The following PARP4 variants were observed in gnomAD, a reference collection of about 807,000 sequenced individuals.
PARP4 encodes the protein poly(ADP-ribose) polymerase family member 4.
PARP4 carries 120 observed loss-of-function variants against 187.7 expected under a neutral mutation model. The ratio of observed to expected loss-of-function variants is 0.64; its 90% confidence interval spans 0.55 to 0.74. PARP4 has a LOEUF of 0.74. PARP4 is among the 30% of genes least tolerant of loss of function. The probability of loss-of-function intolerance (pLI) is 0.00; values close to 1 mark genes in which losing one functional copy is unlikely to be tolerated. For missense variants in PARP4, 1,836 were observed against 2,070.5 expected, an observed-to-expected ratio of 0.89 and a Z score of 2.20; for synonymous variants, 654 against 740.9, an observed-to-expected ratio of 0.88 and a Z score of 1.90.
At chr13:24,483,542 C>T (rs1873393111) in intron 12 of PARP4, among the ~76,000 whole-genome samples, 1 of 151,136 alleles carries the variant, frequency 6.6e-6, no homozygotes, top group Non-Finnish European at 1.5e-5. Flanking sequence ...TGTTGTGTTG[C>T]CTAGGCTAAT....
At chr13:24,445,499 A>C (rs1871165761) in intron 27 of PARP4, among the ~76,000 whole-genome samples, 2 of 152,066 alleles carry the variant, frequency 1.3e-5, no homozygotes, top group African/African-American at 4.8e-5. Flanking sequence ...CTGCATTAAA[A>C]ACCCCACCTA....
chr13:24,494,873 CTTTTTCTTTTT>C, intron 6 of PARP4, 151 bp from the exon 7 acceptor site: 1 of 535,418 alleles, frequency 1.9e-6, no homozygotes, highest in Non-Finnish European at 3.1e-6. Flanking sequence ...TTTTTCTTTT[CTTTTTCTTTTT>C]TTTTTGAGAC....
intron 12 of PARP4, 33 bp downstream of exon 12, chr13:24,484,620 A>G (rs1434443374): frequency 7.3e-7 from 1 of 1,374,738 alleles, no homozygotes; most frequent in South Asian, 1.2e-5. Flanking sequence ...GCAAGTATTC[A>G]GTAACGATTC....
chr13:24,449,886 T>A, intron 24 of PARP4, 69 bp from the exon 25 acceptor site: 2 of 940,132 alleles, frequency 2.1e-6, no homozygotes, highest in Non-Finnish European at 1.7e-6. Context: ...GTTAACAGTG[T>A]TGAGAAAGCT....
chr13:24,490,796 A>C lies in PARP4; in HGVS notation c.1086T>G (p.Thr362=), dbSNP rs1367642863. The part of the protein sequence containing the change: ...LIRDMVNVCE[T]NLSKPNPPSL... ...ATGGTGGGTTGGGTTTGGACAAATT[A>C]GTTTCACAGACATTAACCATGTCTC... is the stretch of plus-strand genomic sequence containing the variant. Residue 362 remains threonine, a synonymous_variant, in exon 10 of 34, where the codon ACT becomes ACG. Coordinates refer to ENST00000381989, the MANE Select transcript of PARP4 (RefSeq NM_006437.4). The C allele has an allele frequency of 1.2e-6, 2 of 1,614,126 alleles. No homozygotes were observed. The highest frequency in any genetic ancestry group is 1.1e-5 in the South Asian group (1 of 91,068).
intron 1 of PARP4, among the ~76,000 whole-genome samples, chr13:24,507,623 C>T (rs905200207): frequency 1.3e-5 from 2 of 152,232 alleles, no homozygotes; most frequent in African/African-American, 4.8e-5. Context: ...CCACCCTGGC[C>T]CATGCCCTCG....
In PARP4 at chr13:24,421,045, A is replaced by G. The variant is rs569759137; in HGVS notation, c.*74T>C. 4.2e-6 allele frequency: 6 copies of G among 1,445,352 alleles called. No individual in the cohort carries two copies. The highest frequency in any genetic ancestry group is 1.4e-5 in the South Asian group (1 of 70,288). The allele number at this position is 1,445,352 out of a possible 1,614,324, so 89.5% of individuals were successfully genotyped here. A position where few individuals can be genotyped will look rare whatever the true frequency, so the allele number is the denominator to read the frequency against. On this transcript the variant is annotated 3_prime_UTR_variant, in exon 34 of 34. Transcript: ENST00000381989. Reference sequence around the variant, plus strand: ...AATGAAACCTTAATGAAGTTTCATTATAAGTATCTATTATCATTTGATTAT... The same window carrying G: ...AATGAAACCTTAATGAAGTTTCATTGTAAGTATCTATTATCATTTGATTAT...
At chr13:24,446,786 C>T in intron 26 of PARP4, 25 bp from the exon 27 acceptor site, 1 of 1,439,732 alleles carries the variant, frequency 6.9e-7, no homozygotes, top group Non-Finnish European at 9.8e-7. Context: ...AAAATAAATT[C>T]CTCATTAGCC....
chr13:24,449,701 A>C lies in PARP4; in HGVS notation c.3114+17T>G. The C allele has an allele frequency of 8.0e-7, 1 of 1,252,458 alleles. No homozygotes were observed. The highest frequency in any genetic ancestry group is 1.2e-6 in the Non-Finnish European group (1 of 856,422). 77.6% of individuals were successfully genotyped at this position (1,252,458 alleles called of 1,614,324 possible). On this transcript the variant is annotated intron_variant, in intron 25 of 33. Coordinates refer to ENST00000381989, the MANE Select transcript of PARP4 (RefSeq NM_006437.4). The stretch of plus-strand genomic sequence containing the variant: ...TTTCCAAACATAAATATAAAACCAG[A>C]TGTTTAAAAAACATACCTGTTTTCT...
intron 6 of PARP4, among the ~76,000 whole-genome samples, chr13:24,496,482 G>C (rs1404050235): frequency 2.0e-5 from 3 of 152,164 alleles, no homozygotes; most frequent in Admixed American, 1.3e-4. Context: ...GCTTGTCAGA[G>C]AGCAGTGACT....
intron 24 of PARP4, 91 bp from the exon 25 acceptor site, chr13:24,449,908 A>G: frequency 1.4e-6 from 1 of 706,350 alleles, no homozygotes; most frequent in Non-Finnish European, 2.5e-6. Context: ...ACAACTCAAT[A>G]GGAGAGACAT....
At chr13:24,475,421 T>G in intron 15 of PARP4, 51 bp downstream of exon 15, 2 of 1,509,556 alleles carry the variant, frequency 1.3e-6, no homozygotes, top group African/African-American at 1.4e-5. Context: ...AATTCTCATG[T>G]ATGGTTTACA....
chr13:24,500,052 G>T (rs201063537), intron 4 of PARP4, among the ~76,000 whole-genome samples: 1 of 145,478 alleles, frequency 6.9e-6, no homozygotes. Flanking sequence ...TTTTTTAAAA[G>T]AATTAAAAAA....
At chr13:24,487,389 C>G (rs111320946) in intron 10 of PARP4, among the ~76,000 whole-genome samples, 22,450 of 136,612 alleles carry the variant, frequency 0.16, 960 homozygotes, top group African/African-American at 0.22. Flanking sequence ...CATAAAATGT[C>G]TATTTTAAGA....
At chr13:24,442,948 A>G (rs1871021579) in intron 28 of PARP4, among the ~76,000 whole-genome samples, 1 of 151,982 alleles carries the variant, frequency 6.6e-6, no homozygotes, top group Non-Finnish European at 1.5e-5. Flanking sequence ...TCCCAATTTA[A>G]AGCTGAGGAA....
intron 32 of PARP4, 21 bp downstream of exon 32, chr13:24,431,356 A>C (rs765999277): frequency 7.4e-7 from 1 of 1,342,578 alleles, no homozygotes; most frequent in East Asian, 2.4e-5. Context: ...TGACTTAATA[A>C]ATGGAAACAT....
At chr13:24,454,719 G>A (rs962545932) in intron 22 of PARP4, among the ~76,000 whole-genome samples, 2 of 152,040 alleles carry the variant, frequency 1.3e-5, no homozygotes, top group Admixed American at 6.6e-5. Flanking sequence ...ACATACATTA[G>A]CTCAATCCTC....
intron 33 of PARP4, among the ~76,000 whole-genome samples, chr13:24,421,567 G>A (rs1288378191): frequency 6.6e-6 from 1 of 152,282 alleles, no homozygotes; most frequent in Non-Finnish European, 1.5e-5. Flanking sequence ...GCTGCCTGCA[G>A]CACAGCTCAC....
chr13:24,453,523 TG>T, intron 23 of PARP4, 63 bp downstream of exon 23: 1 of 995,946 alleles, frequency 1.0e-6, no homozygotes, highest in Non-Finnish European at 1.6e-6. Flanking sequence ...GCCTAAGCCC[TG>T]GAGGTCCCCT....
Sources: allele counts gnomAD v4.1 joint callset (sites outside exome capture counted in the v4.1 genomes callset), GRCh38; gene constraint gnomAD v4.1.1; transcripts MANE v1.5; gene names NCBI Gene and HGNC (gene_info 2026-07-23, HGNC 2026-07-21).